Variants in SLC6A11 observed in about 807,000 individuals in gnomAD.
The protein encoded by SLC6A11 is sodium- and chloride-dependent GABA transporter 3.
SLC6A11 carries 25 observed loss-of-function variants against 74.8 expected under a neutral mutation model. The observed-to-expected ratio is 0.33, with a 90% CI of 0.24 to 0.47. SLC6A11 has a LOEUF of 0.47. SLC6A11 is among the 20% of genes least tolerant of loss of function. The pLI, the probability that SLC6A11 is intolerant of heterozygous loss-of-function variation, is 1.00. For synonymous variants in SLC6A11, 330 were observed against 330.2 expected, an observed-to-expected ratio of 1.00 and a Z score of 0.01; for missense variants, 574 against 837.0, an observed-to-expected ratio of 0.69 and a Z score of 3.88.
intron 3 of SLC6A11, among the ~76,000 whole-genome samples, chr3:10,821,211 G>T (rs112371673): frequency 9.9e-5 from 15 of 152,110 alleles, no homozygotes; most frequent in African/African-American, 3.4e-4. Context: ...TTTAATTGTG[G>T]GTACTTATTT....
chr3:10,845,329 A>G (rs1694489855), intron 5 of SLC6A11, among the ~76,000 whole-genome samples: 1 of 152,132 alleles, frequency 6.6e-6, no homozygotes, highest in Admixed American at 6.5e-5. Flanking sequence ...ATCACCCCCA[A>G]TCCTGTGGCT....
At chr3:10,866,774 T>C (rs1002763949) in intron 5 of SLC6A11, among the ~76,000 whole-genome samples, 1 of 152,256 alleles carries the variant, frequency 6.6e-6, no homozygotes, top group African/African-American at 2.4e-5. Context: ...AGTTTTCCCC[T>C]ACATTTACTA....
intron 6 of SLC6A11, among the ~76,000 whole-genome samples, chr3:10,876,090 C>G (rs948842282): frequency 6.6e-6 from 1 of 152,208 alleles, no homozygotes; most frequent in African/African-American, 2.4e-5. Flanking sequence ...AGTTTCAAGT[C>G]TGCGATCTGT....
At chr3:10,899,185 A>G (rs1336407018) in intron 6 of SLC6A11, among the ~76,000 whole-genome samples, 2 of 152,188 alleles carry the variant, frequency 1.3e-5, no homozygotes, top group Non-Finnish European at 1.5e-5. Context: ...GAGCCAAACC[A>G]TATCAATGCA....
chr3:10,884,396 A>G lies in SLC6A11; in HGVS notation c.891+9301A>G, dbSNP rs567924356. Among the ~76,000 whole-genome samples, 235 of 152,346 alleles carry G rather than the reference A, an allele frequency of 1.5e-3. 4 individuals carry two copies. The highest frequency in any genetic ancestry group is 6.6e-4 in the Non-Finnish European group (45 of 68,028). On this transcript the variant is annotated intron_variant, in intron 6 of 13. Coordinates refer to ENST00000254488, the MANE Select transcript of SLC6A11 (RefSeq NM_014229.3). ...ATTTTAGACATAGGAGCTAAATGCTATATATAGGTAAAATTCTTATGACCT... is the reference window on the plus strand; with the variant it reads ...ATTTTAGACATAGGAGCTAAATGCTGTATATAGGTAAAATTCTTATGACCT...
chr3:10,934,356 T>A (rs1261179588), intron 12 of SLC6A11, among the ~76,000 whole-genome samples, 190 bp downstream of exon 12: 3 of 152,208 alleles, frequency 2.0e-5, no homozygotes, highest in Non-Finnish European at 2.9e-5. Flanking sequence ...AGTGGCCTCA[T>A]TGGGATCCCA....
intron 4 of SLC6A11, among the ~76,000 whole-genome samples, chr3:10,842,858 G>C (rs533621353): frequency 6.6e-6 from 1 of 152,126 alleles, no homozygotes; most frequent in African/African-American, 2.4e-5. Context: ...TTTCTCTGGC[G>C]GGGCTGGGGC....
intron 5 of SLC6A11, among the ~76,000 whole-genome samples, chr3:10,846,270 A>G (rs1008573252): frequency 6.6e-6 from 1 of 152,216 alleles, no homozygotes; most frequent in African/African-American, 2.4e-5. Context: ...CCTCTTCCCT[A>G]CCCAGACAAT....
At chr3:10,880,984 A>C (rs1179456032) in intron 6 of SLC6A11, among the ~76,000 whole-genome samples, 5 of 152,148 alleles carry the variant, frequency 3.3e-5, no homozygotes, top group Non-Finnish European at 4.4e-5. Context: ...AGAAGAAGGA[A>C]GTGTGGTTGG....
chr3:10,904,955 C>T lies in SLC6A11; in HGVS notation c.892-7135C>T, dbSNP rs1004442154. On this transcript the variant is annotated intron_variant, in intron 6 of 13. Coordinates refer to ENST00000254488, the MANE Select transcript of SLC6A11 (RefSeq NM_014229.3). The stretch of plus-strand genomic sequence containing the variant: ...ATTGTGTACATGAGAGCCTGTAGTA[C>T]GCACTAGGTTTCAGCAAACATTAAC... Among the ~76,000 whole-genome samples, 15 of 152,302 alleles carry T rather than the reference C, an allele frequency of 9.8e-5. No individual in the cohort carries two copies. In the South Asian group the frequency reaches 1.2e-3, roughly 13 times the overall value.
chr3:10,916,897 A>C (rs1254775216), intron 7 of SLC6A11, among the ~76,000 whole-genome samples: 2 of 152,184 alleles, frequency 1.3e-5, no homozygotes, highest in Non-Finnish European at 2.9e-5. Flanking sequence ...TGCTCTCTCT[A>C]CTTTACCCTT....
chr3:10,879,177 C>A (rs1469675262), intron 6 of SLC6A11, among the ~76,000 whole-genome samples: 1 of 152,114 alleles, frequency 6.6e-6, no homozygotes, highest in East Asian at 1.9e-4. Flanking sequence ...TCCAGATCAC[C>A]AAATCCGTGA....
intron 6 of SLC6A11, among the ~76,000 whole-genome samples, chr3:10,890,728 C>A (rs1391482673): frequency 6.6e-6 from 1 of 152,148 alleles, no homozygotes; most frequent in East Asian, 1.9e-4. Flanking sequence ...GTTTTCATTC[C>A]TTTCTACAGG....
intron 1 of SLC6A11, among the ~76,000 whole-genome samples, chr3:10,817,330 A>G (rs1036791775): frequency 1.3e-5 from 2 of 152,144 alleles, no homozygotes; most frequent in African/African-American, 4.8e-5. Context: ...GGGAGAGGGA[A>G]AGGACAGTGA....
chr3:10,874,868 G>T, intron 5 of SLC6A11, 93 bp from the exon 6 acceptor site: 1 of 1,295,318 alleles, frequency 7.7e-7, no homozygotes, highest in Non-Finnish European at 1.1e-6. Flanking sequence ...AGAGGGTCCT[G>T]GTGCAACATG....
intron 5 of SLC6A11, among the ~76,000 whole-genome samples, chr3:10,851,222 G>A (rs1694571789): frequency 6.6e-6 from 1 of 152,032 alleles, no homozygotes; most frequent in African/African-American, 2.4e-5. Context: ...CTGGTCTCCA[G>A]GAGCAGTGAC....
Position 10,816,289 on chromosome 3 carries a change from C to A in SLC6A11, c.24C>A (p.Pro8=). 1 of 1,386,476 alleles carries A rather than the reference C, an allele frequency of 7.2e-7. No homozygotes were observed. 85.9% of individuals were successfully genotyped at this position (1,386,476 alleles called of 1,614,324 possible). ...CCATGACGGCGGAGAAGGCGCTGCC[C>A]CTGGGCAATGGGAAGGCTGCTGAGG... MTAEKAL[P]LGNGKAAEEA... The change falls in exon 1 of 14, where the codon CCC becomes CCA. Residue 8 remains proline, a synonymous_variant. Coordinates refer to ENST00000254488, the MANE Select transcript of SLC6A11 (RefSeq NM_014229.3). The surrounding 1 kb of genome is among the most constrained non-coding windows in gnomAD (Gnocchi z 4.2).
At chr3:10,854,385 A>G (rs1261740837) in intron 5 of SLC6A11, among the ~76,000 whole-genome samples, 1 of 151,902 alleles carries the variant, frequency 6.6e-6, no homozygotes, top group Admixed American at 6.5e-5. Flanking sequence ...GTGAAACTCC[A>G]TCTCAAAAAA....
intron 6 of SLC6A11, among the ~76,000 whole-genome samples, chr3:10,882,245 T>A (rs2106609817): frequency 6.6e-6 from 1 of 152,344 alleles, no homozygotes; most frequent in African/African-American, 2.4e-5. Context: ...TCCTGCTCTT[T>A]ATGCAGAAGT....
Sources: gnomAD v4.1 joint callset for allele counts (sites outside exome capture counted in the v4.1 genomes callset) on GRCh38, gnomAD v4.1.1 for gene constraint, Gnocchi (gnomAD v3.1) non-coding constraint, MANE v1.5 for transcripts, NCBI Gene and HGNC (gene_info 2026-07-23, HGNC 2026-07-21) for gene names.